Variants in CWF19L2 observed in about 807,000 individuals in gnomAD.
CWF19L2 encodes the protein CWF19-like protein 2.
CWF19L2 carries 98 observed loss-of-function variants against 111.7 expected under a neutral mutation model. The observed-to-expected ratio is 0.88, with a 90% confidence interval of 0.75 to 1.04. The LOEUF is 1.04. Ranked by LOEUF, CWF19L2 falls within the 50% of genes least tolerant of loss-of-function variation. The pLI, the probability that CWF19L2 is intolerant of heterozygous loss-of-function variation, is 0.00. For missense variants in CWF19L2, 1,101 were observed against 1,051.4 expected (o/e 1.05, Z -0.65); for synonymous variants, 351 against 342.9 (o/e 1.02, Z -0.26).
chr11:107,443,362 A>G (rs367882661), intron 3 of CWF19L2, among the ~76,000 whole-genome samples: 9 of 152,248 alleles, frequency 5.9e-5, no homozygotes, highest in African/African-American at 2.2e-4. Flanking sequence ...GCATGCCTGT[A>G]ATCCCAGCTG....
chr11:107,427,282 C>T (rs1467920716), intron 8 of CWF19L2, among the ~76,000 whole-genome samples: 5 of 151,894 alleles, frequency 3.3e-5, no homozygotes, highest in African/African-American at 9.7e-5. Context: ...TCACAGAATT[C>T]ATAGAAAGCC....
intron 3 of CWF19L2, among the ~76,000 whole-genome samples, chr11:107,444,892 C>G (rs114066877): frequency 1.3e-5 from 2 of 152,096 alleles, no homozygotes; most frequent in Non-Finnish European, 2.9e-5. Flanking sequence ...GATTACCATA[C>G]GAGCCTACCT....
chr11:107,390,066 T>G lies in CWF19L2; in HGVS notation c.1872+8A>C. The G allele has an allele frequency of 6.2e-7, 1 of 1,611,512 alleles. No homozygotes were observed. The highest frequency in any genetic ancestry group is 8.5e-7 in the Non-Finnish European group (1 of 1,178,758). Reference sequence around the variant, plus strand: ...AAAATTCAGAGGTATCCTAGGAATATATCTTACCTTAGATGCCATTCTCAT... The same window carrying G: ...AAAATTCAGAGGTATCCTAGGAATAGATCTTACCTTAGATGCCATTCTCAT... On this transcript the variant is annotated splice_region_variant and intron_variant, in intron 12 of 17. Transcript: ENST00000282251.
intron 14 of CWF19L2, among the ~76,000 whole-genome samples, chr11:107,340,386 T>C (rs1415146394): frequency 6.6e-6 from 1 of 152,242 alleles, no homozygotes; most frequent in Non-Finnish European, 1.5e-5. Context: ...TTGCTATGCA[T>C]GTCCAATTGC....
At chr11:107,437,197 A>T (rs923350098) in intron 6 of CWF19L2, among the ~76,000 whole-genome samples, 8 of 152,178 alleles carry the variant, frequency 5.3e-5, no homozygotes, top group African/African-American at 1.9e-4. Context: ...GACACTGCTA[A>T]AACATTTTCT....
At chr11:107,417,257 T>C (rs1388746611) in intron 9 of CWF19L2, among the ~76,000 whole-genome samples, 1 of 152,246 alleles carries the variant, frequency 6.6e-6, no homozygotes, top group Non-Finnish European at 1.5e-5. Context: ...TATTCTGCCA[T>C]GTGCACTTAA....
chr11:107,352,539 A>C (rs1860171784), intron 13 of CWF19L2, among the ~76,000 whole-genome samples: 1 of 152,224 alleles, frequency 6.6e-6, no homozygotes, highest in East Asian at 1.9e-4. Flanking sequence ...AAGAATGAAC[A>C]TAACTCTTAT....
At chr11:107,361,985 A>T (rs1028928068) in intron 12 of CWF19L2, among the ~76,000 whole-genome samples, 2 of 152,196 alleles carry the variant, frequency 1.3e-5, no homozygotes, top group Non-Finnish European at 2.9e-5. Context: ...CGTGAGCCGA[A>T]GCAGGGCGAG....
chr11:107,369,483 A>T (rs1354750562), intron 12 of CWF19L2, among the ~76,000 whole-genome samples: 1 of 137,524 alleles, frequency 7.3e-6, no homozygotes, highest in Admixed American at 7.1e-5. Context: ...AACCATAATG[A>T]CAAACCACGA....
At chr11:107,423,016 A>T (rs1305062664) in intron 8 of CWF19L2, among the ~76,000 whole-genome samples, 2 of 152,014 alleles carry the variant, frequency 1.3e-5, no homozygotes, top group Non-Finnish European at 2.9e-5. Flanking sequence ...AGTCATTTTA[A>T]AAAACAATGA....
chr11:107,387,819 C>T (rs554837744), intron 12 of CWF19L2, among the ~76,000 whole-genome samples: 5 of 152,288 alleles, frequency 3.3e-5, no homozygotes, highest in South Asian at 4.2e-4. Context: ...TGGCCCGCTC[C>T]GCTCACCTCT....
intron 3 of CWF19L2, among the ~76,000 whole-genome samples, chr11:107,444,096 C>CTTTT: frequency 7.0e-6 from 1 of 142,154 alleles, no homozygotes; most frequent in African/African-American, 2.6e-5. Flanking sequence ...ATTTCCCACC[C>CTTTT]TTTTTTTTTT....
chr11:107,387,620 A>C (rs1316111909), intron 12 of CWF19L2, among the ~76,000 whole-genome samples: 5 of 152,100 alleles, frequency 3.3e-5, no homozygotes, highest in Non-Finnish European at 5.9e-5. Context: ...ACAGGGTGGC[A>C]GGGCAGTGGT....
chr11:107,457,293 G>C (rs1861868740), intron 1 of CWF19L2, among the ~76,000 whole-genome samples: 1 of 152,170 alleles, frequency 6.6e-6, no homozygotes, highest in East Asian at 1.9e-4. Flanking sequence ...GTCAAACTGA[G>C]TCTATTCAAG....
intron 10 of CWF19L2, among the ~76,000 whole-genome samples, chr11:107,399,777 A>C (rs1257704169): frequency 6.6e-6 from 1 of 152,216 alleles, no homozygotes; most frequent in Non-Finnish European, 1.5e-5. Context: ...TCTATTCAAC[A>C]GCACATGGAA....
intron 13 of CWF19L2, among the ~76,000 whole-genome samples, chr11:107,350,780 G>A (rs1860145958): frequency 6.6e-6 from 1 of 152,176 alleles, no homozygotes; most frequent in African/African-American, 2.4e-5. Context: ...TGTCTAGGGA[G>A]AAGTTAGGAA....
chr11:107,360,382 T>C (rs1056427143), intron 12 of CWF19L2, among the ~76,000 whole-genome samples: 1 of 152,234 alleles, frequency 6.6e-6, no homozygotes, highest in Admixed American at 6.5e-5. Flanking sequence ...TATCCAATCA[T>C]CCACTGATAG....
chr11:107,336,850 A>G, intron 14 of CWF19L2, 137 bp from the exon 15 acceptor site: 1 of 559,352 alleles, frequency 1.8e-6, no homozygotes, highest in Non-Finnish European at 3.0e-6. Context: ...TAAAATAAAC[A>G]GTAATATCTG....
In CWF19L2 at chr11:107,373,752, G is replaced by A. The variant is rs1296698887; in HGVS notation, c.1872+16322C>T. On this transcript the variant is annotated intron_variant, in intron 12 of 17. Transcript: ENST00000282251. ...AGGAACGCAGTTCCTCACCAGCAAC[G>A]GAACAAAGCTGGATGGAGAATGACT... Among the ~76,000 whole-genome samples, 11 of 133,708 alleles carry A rather than the reference G, an allele frequency of 8.2e-5. 1 individual carries two copies. In the East Asian group the frequency reaches 1.1e-3, roughly 13 times the overall value. 87.7% of individuals were successfully genotyped at this position (133,708 alleles called of 152,430 possible).
Sources: allele counts gnomAD v4.1 joint callset (sites outside exome capture counted in the v4.1 genomes callset), GRCh38; gene constraint gnomAD v4.1.1; transcripts MANE v1.5; gene names NCBI Gene and HGNC (gene_info 2026-07-23, HGNC 2026-07-21).